Variants in TENM4 observed in about 807,000 individuals in gnomAD.
TENM4 encodes the protein teneurin-4.
A neutral mutation model predicts 243.3 loss-of-function variants in TENM4; 82 were observed. That is an observed-to-expected ratio of 0.34 (90% confidence interval 0.28 to 0.40). The LOEUF (loss-of-function observed/expected upper bound fraction) is 0.40. Among genes scored for constraint, TENM4 ranks in the 10% least tolerant of loss-of-function variants. TENM4 has a pLI of 1.00. For missense variants in TENM4, 3,138 were observed against 3,673.3 expected (o/e 0.85, Z 3.77); for synonymous variants, 1,412 against 1,456.3 (o/e 0.97, Z 0.69).
At chr11:79,201,885 G>T (rs1863745580) in intron 3 of TENM4, among the ~76,000 whole-genome samples, 1 of 152,190 alleles carries the variant, frequency 6.6e-6, no homozygotes, top group Non-Finnish European at 1.5e-5. Flanking sequence ...AGGCAGAGAG[G>T]CAGGGAGACA....
intron 4 of TENM4, among the ~76,000 whole-genome samples, chr11:79,127,304 G>T (rs1287448764): frequency 2.6e-5 from 4 of 152,140 alleles, no homozygotes; most frequent in Admixed American, 6.5e-5. Context: ...AAGATGCAGG[G>T]GTGGTGATTC....
At chr11:79,103,098 T>A (rs2137082877) in intron 4 of TENM4, among the ~76,000 whole-genome samples, 1 of 152,272 alleles carries the variant, frequency 6.6e-6, no homozygotes, top group Non-Finnish European at 1.5e-5. Flanking sequence ...CACTGCTCCC[T>A]GAATACACTG....
At chr11:78,995,959 G>T (rs1858162985) in intron 6 of TENM4, among the ~76,000 whole-genome samples, 1 of 152,104 alleles carries the variant, frequency 6.6e-6, no homozygotes, top group South Asian at 2.1e-4. Flanking sequence ...GGTTCCCATT[G>T]AGCCTAAACT....
intron 15 of TENM4, among the ~76,000 whole-genome samples, chr11:78,802,510 C>T (rs1315348168): frequency 6.6e-6 from 1 of 152,234 alleles, no homozygotes; most frequent in East Asian, 1.9e-4. Flanking sequence ...AACCAGCTTC[C>T]AGAGGTGAAG....
intron 3 of TENM4, among the ~76,000 whole-genome samples, chr11:79,197,569 G>A (rs941795859): frequency 3.3e-5 from 5 of 152,114 alleles, no homozygotes; most frequent in Admixed American, 6.5e-5. Flanking sequence ...CACATCAACA[G>A]CAAACTTCCC....
chr11:79,199,875 G>GT (rs1409818986), intron 3 of TENM4, among the ~76,000 whole-genome samples: 1 of 152,204 alleles, frequency 6.6e-6, no homozygotes, highest in African/African-American at 2.4e-5. Flanking sequence ...GACAATGGCT[G>GT]TAAGAAGTGT....
intron 25 of TENM4, among the ~76,000 whole-genome samples, chr11:78,716,458 C>A (rs1457029555): frequency 6.6e-6 from 1 of 152,206 alleles, no homozygotes; most frequent in South Asian, 2.1e-4. Context: ...AGAGGAGGGA[C>A]TGATTACCAG....
intron 1 of TENM4, among the ~76,000 whole-genome samples, chr11:79,388,736 T>A (rs1318414885): frequency 2.0e-5 from 3 of 152,208 alleles, no homozygotes; most frequent in African/African-American, 4.8e-5. Flanking sequence ...GAGCTCACAG[T>A]CATGGAGGGT....
At chr11:78,906,037 C>T (rs1490484424) in intron 6 of TENM4, among the ~76,000 whole-genome samples, 1 of 152,230 alleles carries the variant, frequency 6.6e-6, no homozygotes, top group Non-Finnish European at 1.5e-5. Context: ...AGTGGCTGAA[C>T]CACTACTGTC....
At chr11:78,902,167 C>T (rs562723686) in intron 7 of TENM4, among the ~76,000 whole-genome samples, 137 of 152,300 alleles carry the variant, frequency 9.0e-4, no homozygotes, top group African/African-American at 3.2e-3. Context: ...GCCTAGGACA[C>T]TTCATCTACA....
Position 78,771,075 on chromosome 11 carries a change from C to G in TENM4, c.2456G>C (p.Cys819Ser). 6.3e-7 allele frequency: 1 copy of G among 1,576,820 alleles called. No individual in the cohort carries two copies. The highest frequency in any genetic ancestry group is 2.3e-5 in the East Asian group (1 of 42,784). ...RCTLDLNGWH[C>S]VCQLGWRGAG... is the part of the protein sequence containing the mutation. ...TCCTCTCCAGCCCAGCTGGCAGACG[C>G]AGTGCCAACCATTCAGGTCTAAGGT... The change falls in exon 18 of 34, where the codon TGC (cysteine) becomes TCC (serine). Residue 819 changes from cysteine (C) to serine (S), a missense_variant. Transcript: ENST00000278550.
chr11:78,943,245 C>T (rs116979203), intron 6 of TENM4, among the ~76,000 whole-genome samples: 1,798 of 152,322 alleles, frequency 0.012, 24 homozygotes, highest in Admixed American at 0.03. Flanking sequence ...TTTCACACCC[C>T]AACTTCTAGG....
At position 79,139,730 on chromosome 11, in the gene TENM4, T is replaced by A. The variant is rs1331586520; in HGVS notation, c.-66+8980A>T. Among the ~76,000 whole-genome samples the A allele has an allele frequency of 4.1e-5, 3 of 73,922 alleles. No individual in the cohort carries two copies. In the South Asian group the frequency reaches 1.1e-3, roughly 28 times the overall value. The allele number at this position is 73,922 out of a possible 152,430, so 48.5% of individuals were successfully genotyped here. On this transcript the variant is annotated intron_variant, in intron 4 of 33. Transcript: ENST00000278550. ...TTATATAAGTATATAAAATATATAT[T>A]ATATTTATATAAATATATAATATAT...
chr11:79,128,703 G>A (rs1366220555), intron 4 of TENM4, among the ~76,000 whole-genome samples: 1 of 152,210 alleles, frequency 6.6e-6, no homozygotes, highest in Non-Finnish European at 1.5e-5. Flanking sequence ...AGCAGTGAAG[G>A]GAAATCTTCC....
chr11:79,349,163 A>T (rs1857375385), intron 1 of TENM4, among the ~76,000 whole-genome samples: 1 of 152,118 alleles, frequency 6.6e-6, no homozygotes, highest in East Asian at 1.9e-4. Context: ...CATCCCTGAC[A>T]CTGAGCACAC....
chr11:78,738,504 G>C lies in TENM4; in HGVS notation c.2823C>G (p.Ile941Met). The C allele has an allele frequency of 6.2e-7, 1 of 1,613,908 alleles. No homozygotes were observed. The highest frequency in any genetic ancestry group is 1.1e-5 in the South Asian group (1 of 91,058). ...SDGTPLVGVN[I>M]SFVNNPLFGY... ...CAAAGAGAGGGTTATTGACAAAACT[G>C]ATGTTCACACCAACCAGGGGGGTTC... is the stretch of plus-strand genomic sequence containing the variant. The change falls in exon 20 of 34, where the codon ATC (isoleucine) becomes ATG (methionine). Residue 941 changes from isoleucine to methionine, a missense_variant. This residue lies in a region of TENM4 where 2,467 missense variants were observed against 3,059.1 expected (regional missense o/e 0.81). Transcript: ENST00000278550.
At chr11:79,138,569 CATATATTTATATAAATACATAA>C (rs1862170663) in intron 4 of TENM4, among the ~76,000 whole-genome samples, 1 of 29,048 alleles carries the variant, frequency 3.4e-5, no homozygotes, top group Non-Finnish European at 6.8e-5. Context: ...ATACATAAAA[CATATATTTATATAAATACATAA>C]AACATATATT....
At chr11:78,783,620 A>G (rs1420991214) in intron 16 of TENM4, among the ~76,000 whole-genome samples, 6 of 152,208 alleles carry the variant, frequency 3.9e-5, no homozygotes, top group African/African-American at 7.2e-5. Flanking sequence ...TGCTTTTACC[A>G]AAGACCCTTC....
At chr11:78,671,576 C>A (rs1858326124) in intron 31 of TENM4, among the ~76,000 whole-genome samples, 2 of 152,232 alleles carry the variant, frequency 1.3e-5, no homozygotes, top group Non-Finnish European at 2.9e-5. Context: ...CCTGGGATGA[C>A]ATGAGTTCTG....
Sources: gnomAD v4.1 joint callset for allele counts (sites outside exome capture counted in the v4.1 genomes callset) on GRCh38, gnomAD v4.1.1 for gene constraint, gnomAD v4.1.1 regional missense constraint, MANE v1.5 for transcripts, NCBI Gene and HGNC (gene_info 2026-07-23, HGNC 2026-07-21) for gene names.